BTBD9: variants seen among roughly 807,000 people sequenced by gnomAD.
The protein encoded by BTBD9 is BTB domain containing 9, also known as BTB/POZ domain-containing protein 9.
A neutral mutation model predicts 64.3 loss-of-function variants in BTBD9; 49 were observed. That is an observed-to-expected ratio of 0.76 (90% confidence interval 0.61 to 0.97). The LOEUF (loss-of-function observed/expected upper bound fraction) is 0.97. BTBD9 is among the 50% of genes least tolerant of loss of function. The pLI is 0.00. For missense variants in BTBD9, 598 were observed against 762.1 expected (o/e 0.78, Z 2.53); for synonymous variants, 260 against 274.7 (o/e 0.95, Z 0.53).
At chr6:38,219,193 A>G (rs1193116426) in intron 9 of BTBD9, among the ~76,000 whole-genome samples, 2 of 130,846 alleles carry the variant, frequency 1.5e-5, no homozygotes, top group Non-Finnish European at 3.1e-5. Context: ...GGAGTGTAGT[A>G]GCACAAGCTT....
intron 6 of BTBD9, among the ~76,000 whole-genome samples, chr6:38,372,078 A>T (rs1017808436): frequency 1.3e-5 from 2 of 152,196 alleles, no homozygotes; most frequent in African/African-American, 4.8e-5. Context: ...CCCAGGTCCC[A>T]TGGGAATCAC....
At chr6:38,299,802 T>C (rs1332837020) in intron 7 of BTBD9, among the ~76,000 whole-genome samples, 9 of 152,204 alleles carry the variant, frequency 5.9e-5, no homozygotes, top group Admixed American at 3.9e-4. Context: ...TCCCATTCTG[T>C]AGGTTGCCTG....
chr6:38,615,897 G>A (rs1453648079), intron 1 of BTBD9, among the ~76,000 whole-genome samples: 1 of 152,134 alleles, frequency 6.6e-6, no homozygotes, highest in Admixed American at 6.5e-5. Context: ...GGATAATGTT[G>A]GCTGTGGTAG....
chr6:38,225,723 C>G (rs2127512290), intron 9 of BTBD9, among the ~76,000 whole-genome samples: 1 of 152,170 alleles, frequency 6.6e-6, no homozygotes, highest in East Asian at 1.9e-4. Context: ...CTTAACCAGC[C>G]AGGCAAGGGC....
chr6:38,617,696 T>C lies in BTBD9; in HGVS notation c.-27-19575A>G, dbSNP rs556180765. Reference sequence around the variant, plus strand: ...TGGGGGGATGTCCTTCCTATTCAAATGATGAGAAGTGAGGACAAAAGACGT... The same window carrying C: ...TGGGGGGATGTCCTTCCTATTCAAACGATGAGAAGTGAGGACAAAAGACGT... On this transcript the variant is annotated intron_variant, in intron 1 of 10. Coordinates refer to ENST00000481247, the MANE Select transcript of BTBD9 (RefSeq NM_001099272.2). 4.9e-4 allele frequency among the ~76,000 whole-genome samples: 75 copies of C among 152,206 alleles called. 2 individuals carry two copies. Among genetic ancestry groups the C allele is most frequent in the Middle Eastern group, 3.4e-3 (1 of 294 alleles).
chr6:38,179,694 G>T (rs1455413302), intron 10 of BTBD9: 3 of 456,780 alleles, frequency 6.6e-6, no homozygotes, highest in East Asian at 1.4e-4. Flanking sequence ...CCTCAGGGCT[G>T]TGCCTTCCTT....
At chr6:38,466,579 C>T (rs1345832695) in intron 6 of BTBD9, among the ~76,000 whole-genome samples, 16 of 152,006 alleles carry the variant, frequency 1.1e-4, no homozygotes, top group Non-Finnish European at 1.9e-4. Context: ...CAGGCATGGG[C>T]TACCGCACCC....
At chr6:38,439,577 C>T (rs956981498) in intron 6 of BTBD9, among the ~76,000 whole-genome samples, 1 of 152,102 alleles carries the variant, frequency 6.6e-6, no homozygotes, top group African/African-American at 2.4e-5. Context: ...CAGGTACCCA[C>T]CACCATGGCC....
chr6:38,555,389 A>T (rs952545499), intron 6 of BTBD9, among the ~76,000 whole-genome samples: 18 of 152,360 alleles, frequency 1.2e-4, no homozygotes, highest in African/African-American at 4.3e-4. Flanking sequence ...ATTTAAAGTG[A>T]ATTCACTTGA....
In BTBD9 at chr6:38,533,587, A is replaced by G. The variant is rs7769689; in HGVS notation, c.1154+44013T>C. Among the ~76,000 whole-genome samples the G allele has an allele frequency of 4.0e-3, 613 of 152,342 alleles. 3 individuals carry two copies. Among genetic ancestry groups the G allele is most frequent in the African/African-American group, 0.014 (563 of 41,588 alleles). Reference sequence around the variant, plus strand: ...AAATTTCATCCAATGGCTGCAGAATACACATTCTTTTCCTCAGCATATGGA... The same window carrying G: ...AAATTTCATCCAATGGCTGCAGAATGCACATTCTTTTCCTCAGCATATGGA... On this transcript the variant is annotated intron_variant, in intron 6 of 10. Transcript: ENST00000481247.
intron 6 of BTBD9, chr6:38,402,766 T>C: frequency 1.4e-6 from 1 of 699,318 alleles, no homozygotes. Flanking sequence ...CAACAATTTC[T>C]TAGCAATGAA....
At chr6:38,563,801 A>C (rs896641946) in intron 6 of BTBD9, among the ~76,000 whole-genome samples, 2 of 68,832 alleles carry the variant, frequency 2.9e-5, no homozygotes, top group Non-Finnish European at 5.3e-5. Flanking sequence ...TTTTTTTTTG[A>C]GACGGAGTCC....
intron 7 of BTBD9, among the ~76,000 whole-genome samples, chr6:38,306,798 C>T (rs965309633): frequency 2.6e-5 from 4 of 152,100 alleles, no homozygotes; most frequent in Non-Finnish European, 5.9e-5. Context: ...GGAAAAAGAC[C>T]CACTTGAAGC....
At chr6:38,605,520 T>C (rs746993928) in intron 1 of BTBD9, among the ~76,000 whole-genome samples, 4 of 152,214 alleles carry the variant, frequency 2.6e-5, no homozygotes, top group Admixed American at 6.5e-5. Context: ...AGTATTAAGT[T>C]AACATGTGCT....
intron 6 of BTBD9, among the ~76,000 whole-genome samples, chr6:38,572,878 T>G (rs1424868757): frequency 6.6e-6 from 1 of 151,844 alleles, no homozygotes; most frequent in East Asian, 1.9e-4. Flanking sequence ...CAGAAATCAT[T>G]TAAAAGACTG....
intron 6 of BTBD9, among the ~76,000 whole-genome samples, chr6:38,532,704 G>C (rs1773851897): frequency 6.6e-6 from 1 of 151,968 alleles, no homozygotes; most frequent in African/African-American, 2.4e-5. Context: ...CTGCTGCCTT[G>C]AAGGGAAGAA....
intron 6 of BTBD9, 66 bp from the exon 7 acceptor site, chr6:38,345,159 C>A: frequency 9.7e-7 from 1 of 1,034,054 alleles, no homozygotes; most frequent in Non-Finnish European, 1.5e-6. Flanking sequence ...CCAAGGATAA[C>A]AGAGTAAGAC....
intron 6 of BTBD9, among the ~76,000 whole-genome samples, chr6:38,395,999 G>A (rs1766654188): frequency 6.6e-6 from 1 of 152,060 alleles, no homozygotes; most frequent in Admixed American, 6.5e-5. Context: ...ATGAGCCACC[G>A]CACCTGGCCT....
chr6:38,381,683 G>A (rs1376095453), intron 6 of BTBD9, among the ~76,000 whole-genome samples: 2 of 151,892 alleles, frequency 1.3e-5, no homozygotes, highest in African/African-American at 2.4e-5. Context: ...TAAAGACTAC[G>A]TTCTAGGTAA....
Sources: gnomAD v4.1 joint callset for allele counts (sites outside exome capture counted in the v4.1 genomes callset) on GRCh38, gnomAD v4.1.1 for gene constraint, MANE v1.5 for transcripts, NCBI Gene and HGNC (gene_info 2026-07-23, HGNC 2026-07-21) for gene names.